The following MYH10 variants were observed in gnomAD, a reference collection of about 807,000 sequenced individuals.
MYH10 encodes the protein myosin-10.
In MYH10, 55 loss-of-function variants were observed where a neutral mutation model predicts 257.8. That is an observed-to-expected ratio of 0.21 (90% CI 0.17 to 0.27). The LOEUF is 0.27. Ranked by LOEUF, MYH10 falls within the 10% of genes least tolerant of loss-of-function variation. MYH10 has a pLI of 1.00. For missense variants in MYH10, 1,631 were observed against 2,500.6 expected (o/e 0.65, Z 7.42); for synonymous variants, 854 against 921.7 (o/e 0.93, Z 1.33).
At position 8,482,875 on chromosome 17, in the gene MYH10, G is replaced by A. The variant is rs534572717; in HGVS notation, c.5175+1263C>T. On this transcript the variant is annotated intron_variant, in intron 37 of 42. Coordinates refer to ENST00000360416, the MANE Select transcript of MYH10 (RefSeq NM_001256012.3). ...ACAGCCACATCGCCTTTGGGGAAAT[G>A]AGCATTTGGGGATCTCACCAATCAA... Among the ~76,000 whole-genome samples, 128 of 152,340 alleles carry A rather than the reference G, an allele frequency of 8.4e-4. 1 individual carries two copies. Among genetic ancestry groups the A allele is most frequent in the African/African-American group, 2.7e-3 (111 of 41,576 alleles).
intron 24 of MYH10, 29 bp downstream of exon 24, chr17:8,512,422 T>G: frequency 6.4e-7 from 1 of 1,562,172 alleles, no homozygotes; most frequent in Non-Finnish European, 8.7e-7. Context: ...ATCCAAAATA[T>G]GCTTCTAAGT....
At chr17:8,509,543 C>T (rs1475880071) in intron 25 of MYH10, among the ~76,000 whole-genome samples, 1 of 152,136 alleles carries the variant, frequency 6.6e-6, no homozygotes, top group East Asian at 1.9e-4. Flanking sequence ...CAGATGGAGA[C>T]AAGTCATCAT....
chr17:8,609,412 A>G (rs2084940449), intron 2 of MYH10, among the ~76,000 whole-genome samples: 1 of 152,192 alleles, frequency 6.6e-6, no homozygotes, highest in Non-Finnish European at 1.5e-5. Flanking sequence ...GCACCTAGTT[A>G]AAATTCACAT....
chr17:8,594,855 G>A (rs1390856831), intron 3 of MYH10, among the ~76,000 whole-genome samples: 1 of 152,114 alleles, frequency 6.6e-6, no homozygotes, highest in Non-Finnish European at 1.5e-5. Context: ...TATTGTTTAG[G>A]GAATAATGAA....
intron 2 of MYH10, among the ~76,000 whole-genome samples, chr17:8,608,232 C>T (rs2084887016): frequency 6.6e-6 from 1 of 152,112 alleles, no homozygotes; most frequent in African/African-American, 2.4e-5. Flanking sequence ...AGACAAAGTA[C>T]AAATCTGGCA....
chr17:8,584,524 C>T (rs1410336610), intron 4 of MYH10, among the ~76,000 whole-genome samples: 2 of 152,140 alleles, frequency 1.3e-5, no homozygotes, highest in Non-Finnish European at 2.9e-5. Context: ...ACAGAGATAA[C>T]ATTGATTAGT....
rs776243477 is a variant in MYH10, at chr17:8,508,660, T to C, written c.3108A>G (p.Glu1036=). 7 of 1,613,894 alleles carry C rather than the reference T, an allele frequency of 4.3e-6. No homozygotes were observed. The East Asian group carries it at 1.6e-4, about 36-fold the overall frequency. ...SKFIKEKKLM[E]DRIAECSSQL... is the part of the protein sequence containing the mutation. ...GAGAGGAACACTCAGCAATGCGATCTTCCATGAGTTTCTTTTCCTGGACAG... is the reference window on the plus strand; with the variant it reads ...GAGAGGAACACTCAGCAATGCGATCCTCCATGAGTTTCTTTTCCTGGACAG... Residue 1036 remains glutamate, a synonymous_variant, in exon 26 of 43, where the codon GAA becomes GAG. Coordinates refer to ENST00000360416, the MANE Select transcript of MYH10 (RefSeq NM_001256012.3).
intron 40 of MYH10, 71 bp from the exon 41 acceptor site, chr17:8,478,517 A>G (rs1913089337): frequency 1.4e-6 from 2 of 1,451,350 alleles, no homozygotes; most frequent in Non-Finnish European, 1.9e-6. Flanking sequence ...TATTTTTTAA[A>G]GCCCCTTTTC....
chr17:8,488,365 C>A (rs945386827), intron 35 of MYH10, among the ~76,000 whole-genome samples: 4 of 152,196 alleles, frequency 2.6e-5, no homozygotes, highest in Non-Finnish European at 5.9e-5. Flanking sequence ...AGACACAGAG[C>A]TGTTGAGCTC....
At chr17:8,589,545 T>G (rs977684931) in intron 3 of MYH10, among the ~76,000 whole-genome samples, 5 of 152,126 alleles carry the variant, frequency 3.3e-5, no homozygotes, top group Admixed American at 6.5e-5. Flanking sequence ...CTGGCCAGAT[T>G]TGGAAACCAC....
At chr17:8,580,106 G>A (rs1053121589) in intron 4 of MYH10, among the ~76,000 whole-genome samples, 7 of 151,836 alleles carry the variant, frequency 4.6e-5, no homozygotes, top group South Asian at 2.1e-4. Flanking sequence ...AAGCCTGGGC[G>A]ACAGAGCGAG....
intron 4 of MYH10, among the ~76,000 whole-genome samples, chr17:8,582,413 T>G (rs1004727363): frequency 7.1e-6 from 1 of 140,452 alleles, no homozygotes; most frequent in Admixed American, 7.6e-5. Flanking sequence ...GAAGCAGTCT[T>G]ACACTTTAAG....
intron 7 of MYH10, among the ~76,000 whole-genome samples, chr17:8,564,604 C>A (rs1171382746): frequency 6.6e-6 from 1 of 152,190 alleles, no homozygotes; most frequent in Non-Finnish European, 1.5e-5. Context: ...CTCTACAGGG[C>A]TAGGGAACCT....
At chr17:8,565,004 G>A (rs547117656) in intron 7 of MYH10, among the ~76,000 whole-genome samples, 64 of 152,266 alleles carry the variant, frequency 4.2e-4, no homozygotes, top group African/African-American at 1.4e-3. Context: ...CGTGGGCCAT[G>A]AGAAAAAGGC....
intron 4 of MYH10, among the ~76,000 whole-genome samples, chr17:8,583,499 T>C (rs1270380946): frequency 1.3e-5 from 2 of 152,152 alleles, no homozygotes; most frequent in African/African-American, 4.8e-5. Flanking sequence ...TAAATAGTTA[T>C]TCTCATATGG....
At chr17:8,491,944 C>T (rs533099627) in intron 34 of MYH10, among the ~76,000 whole-genome samples, 49 of 152,292 alleles carry the variant, frequency 3.2e-4, no homozygotes, top group African/African-American at 1.1e-3. Context: ...TCCAGGTCCC[C>T]ACTCACCTCA....
At chr17:8,496,337 A>G (rs1916627139) in intron 30 of MYH10, among the ~76,000 whole-genome samples, 1 of 152,224 alleles carries the variant, frequency 6.6e-6, no homozygotes, top group Non-Finnish European at 1.5e-5. Context: ...CTGTTTAGCA[A>G]CATCCTTCAC....
At chr17:8,514,660 A>T (rs2081407250) in intron 21 of MYH10, among the ~76,000 whole-genome samples, 1 of 150,576 alleles carries the variant, frequency 6.6e-6, no homozygotes, top group Non-Finnish European at 1.5e-5. Context: ...CCAGGCCCAA[A>T]TGAAGCTCAT....
intron 17 of MYH10, among the ~76,000 whole-genome samples, chr17:8,527,288 A>G (rs1423707674): frequency 6.6e-6 from 1 of 152,196 alleles, no homozygotes; most frequent in Non-Finnish European, 1.5e-5. Flanking sequence ...CAGGAAGCAC[A>G]TGATTTAAGG....
Sources: allele counts gnomAD v4.1 joint callset (sites outside exome capture counted in the v4.1 genomes callset), GRCh38; gene constraint gnomAD v4.1.1; transcripts MANE v1.5; gene names NCBI Gene and HGNC (gene_info 2026-07-23, HGNC 2026-07-21).